The following PDE4DIP variants were observed in gnomAD, a reference collection of about 807,000 sequenced individuals.
The protein encoded by PDE4DIP is myomegalin.
A neutral mutation model predicts 221.4 loss-of-function variants in PDE4DIP; 59 were observed. The ratio of observed to expected loss-of-function variants is 0.27; its 90% CI spans 0.22 to 0.33. The LOEUF (loss-of-function observed/expected upper bound fraction) is 0.33, where lower values mean the gene tolerates loss of function less well. Ranked by LOEUF, PDE4DIP falls within the 10% of genes least tolerant of loss-of-function variation. The probability of loss-of-function intolerance (pLI) is 1.00; values close to 1 mark genes in which losing one functional copy is unlikely to be tolerated. For missense variants in PDE4DIP, 1,036 were observed against 2,154.2 expected, an observed-to-expected ratio of 0.48 and a Z score of 10.28; for synonymous variants, 404 against 815.9, an observed-to-expected ratio of 0.50 and a Z score of 8.60.
rs587704999 is a variant in PDE4DIP at position 148,892,560 on chromosome 1, G to A, written c.141+2666G>A. ...TAGTATTGCCATGGGTCCCATACAG[G>A]AAGTAGATATGGCCCTGTCTCTATC... On this transcript the variant is annotated intron_variant, in intron 1 of 43. Transcript: ENST00000369354. Among the ~76,000 whole-genome samples the A allele has an allele frequency of 6.6e-5, 8 of 121,188 alleles. 3 individuals carry two copies. The East Asian group carries it at 4.0e-3, about 61-fold the overall frequency. 79.5% of individuals were successfully genotyped at this position (121,188 alleles called of 152,430 possible). A position where few individuals can be genotyped will look rare whatever the true frequency, so the allele number is the denominator to read the frequency against.
Position 148,997,998 on chromosome 1 carries a change from C to G in PDE4DIP, c.2905-145C>G, listed in dbSNP as rs1394249576. On this transcript the variant is annotated intron_variant, in intron 22 of 43. Transcript: ENST00000369354. ...CAGTCCCCAGGGCCCTTATGCCTGA[C>G]TAAGGAGGTTCTGGTTAGGGAGTTT... The G allele has an allele frequency of 2.4e-4, 122 of 508,628 alleles. 1 individual carries two copies. The highest frequency in any genetic ancestry group is 3.9e-4 in the Non-Finnish European group (112 of 286,224). The allele number at this position is 508,628 out of a possible 1,614,324, so 31.5% of individuals were successfully genotyped here.
intron 1 of PDE4DIP, among the ~76,000 whole-genome samples, chr1:148,927,301 G>C (rs1368312837): frequency 6.6e-6 from 1 of 151,858 alleles, no homozygotes. Flanking sequence ...TTGGTCAAAA[G>C]GTACCTACTT....
intron 2 of PDE4DIP, chr1:148,929,961 T>A (rs1332210377): frequency 2.6e-5 from 4 of 152,120 alleles, no homozygotes; most frequent in African/African-American, 4.8e-5. Flanking sequence ...ATTGTCCTAG[T>A]GGGAATTCCT....
At chr1:148,824,434 C>T (rs1380205363) in intron 1 of PDE4DIP, among the ~76,000 whole-genome samples, 16 of 138,802 alleles carry the variant, frequency 1.2e-4, no homozygotes, top group Non-Finnish European at 1.9e-4. Context: ...AATCTAATCT[C>T]GGAAGCAACA....
intron 43 of PDE4DIP, 71 bp from the exon 47 acceptor site, chr1:149,031,873 C>T (rs1462891862): frequency 2.7e-6 from 4 of 1,485,044 alleles, no homozygotes; most frequent in African/African-American, 2.8e-5. Context: ...AGCTCTCACT[C>T]CAGCTTCAGG....
At chr1:148,905,208 G>C (rs2041505537) in intron 1 of PDE4DIP, among the ~76,000 whole-genome samples, 1 of 127,190 alleles carries the variant, frequency 7.9e-6, no homozygotes, top group East Asian at 2.3e-4. Flanking sequence ...TTTTGAGATG[G>C]AGTCTTGCTC....
At chr1:148,952,639 A>G (rs1479348364) in intron 5 of PDE4DIP, 1 of 1,410,646 alleles carries the variant, frequency 7.1e-7, no homozygotes, top group East Asian at 2.7e-5. Flanking sequence ...GCCCCTGCAG[A>G]GTGGGGACCC....
At chr1:148,973,652 T>C (rs587727538) in intron 16 of PDE4DIP, among the ~76,000 whole-genome samples, 2 of 152,056 alleles carry the variant, frequency 1.3e-5, no homozygotes, top group Admixed American at 1.3e-4. Context: ...AATACTATAA[T>C]ATGCAAAAGT....
In PDE4DIP at chr1:148,821,359, A is replaced by G. The variant is rs587682436; in HGVS notation, c.233+12622A>G. 1.4e-3 allele frequency among the ~76,000 whole-genome samples: 217 copies of G among 149,806 alleles called. 16 individuals carry two copies. In the South Asian group the frequency reaches 0.045, roughly 31 times the overall value. ...CTGGAGTCTGTTCACTGATCTTTCC[A>G]AAAGGTATATATGGAATGGCAGGCA... On this transcript the variant is annotated intron_variant, in intron 1 of 45. Transcript: ENST00000524974.
At chr1:148,978,643 T>G (rs1559129029) in intron 19 of PDE4DIP, among the ~76,000 whole-genome samples, 1 of 151,864 alleles carries the variant, frequency 6.6e-6, no homozygotes, top group Non-Finnish European at 1.5e-5. Context: ...AGTGCAGTGG[T>G]ATGATCACAG....
In PDE4DIP at chr1:149,010,429, C is replaced by G; in HGVS notation, c.4928-14C>G. The G allele has an allele frequency of 1.2e-6, 2 of 1,612,608 alleles. No homozygotes were observed. Among genetic ancestry groups the G allele is most frequent in the Non-Finnish European group, 1.7e-6 (2 of 1,178,680 alleles). On this transcript the variant is annotated splice_polypyrimidine_tract_variant and intron_variant, in intron 30 of 43. Coordinates refer to ENST00000369354, the Ensembl canonical transcript of PDE4DIP. ...AGAACATCATACGTTTTCTTTCATT[C>G]ATGGATTTTATAGATTCCATCCATC...
chr1:148,938,727 T>C (rs1319108217), intron 5 of PDE4DIP, among the ~76,000 whole-genome samples: 2 of 151,386 alleles, frequency 1.3e-5, no homozygotes, highest in East Asian at 1.9e-4. Flanking sequence ...TGGGTACTAG[T>C]TGAAATGGTG....
chr1:148,917,180 A>G (rs1204474962), intron 1 of PDE4DIP, among the ~76,000 whole-genome samples: 3 of 151,850 alleles, frequency 2.0e-5, no homozygotes, highest in Non-Finnish European at 1.5e-5. Context: ...GTTGGGCCAC[A>G]TCAACAGAGG....
At chr1:148,985,505 A>G (rs1265459064) in intron 21 of PDE4DIP, 1 of 152,158 alleles carries the variant, frequency 6.6e-6, no homozygotes, top group Admixed American at 6.5e-5. Flanking sequence ...GTATTAACAG[A>G]AGGTAAGTCT....
chr1:148,836,194 G>T (rs6663489), intron 1 of PDE4DIP, among the ~76,000 whole-genome samples: 13,843 of 145,520 alleles, frequency 0.095, 5 homozygotes, highest in Middle Eastern at 0.16. Flanking sequence ...TGCTGTGCCA[G>T]CAATGAGGGA....
chr1:149,005,960 C>G (rs1176757648), intron 27 of PDE4DIP, among the ~76,000 whole-genome samples: 2 of 152,080 alleles, frequency 1.3e-5, no homozygotes, highest in Non-Finnish European at 2.9e-5. Flanking sequence ...CGGTGAAACC[C>G]CATCTCTACT....
intron 1 of PDE4DIP, among the ~76,000 whole-genome samples, chr1:148,905,215 GCT>G (rs1337793553): frequency 4.3e-5 from 5 of 117,180 alleles, no homozygotes; most frequent in Non-Finnish European, 6.7e-5. Context: ...ATGGAGTCTT[GCT>G]CTGTCGCCTA....
intron 4 of PDE4DIP, 90 bp from the exon 8 acceptor site, chr1:148,937,657 A>G: frequency 1.5e-6 from 1 of 677,846 alleles, no homozygotes; most frequent in Non-Finnish European, 2.7e-6. Context: ...CTGCTATACT[A>G]GACCATGCTA....
exon 28 of PDE4DIP, chr1:149,007,284 A>G (rs782731871): frequency 3.7e-6 from 6 of 1,606,564 alleles, no homozygotes; most frequent in Non-Finnish European, 4.3e-6. Flanking sequence ...GGTATTTGTT[A>G]TCTTATCACC....
Sources: allele counts gnomAD v4.1 joint callset (sites outside exome capture counted in the v4.1 genomes callset), GRCh38; gene constraint gnomAD v4.1.1; transcripts MANE v1.5; gene names NCBI Gene and HGNC (gene_info 2026-07-23, HGNC 2026-07-21).